The following PPL variants were observed in gnomAD, a reference collection of about 807,000 sequenced individuals.
PPL encodes the protein 190 kDa paraneoplastic pemphigus antigen.
PPL carries 198 observed loss-of-function variants against 194.4 expected under a neutral mutation model. The ratio of observed to expected loss-of-function variants is 1.02; its 90% CI spans 0.91 to 1.15. The LOEUF (loss-of-function observed/expected upper bound fraction) is 1.15, where lower values mean the gene tolerates loss of function less well. Ranked by LOEUF, PPL falls within the 50% of genes most tolerant of loss-of-function variation. The pLI, the probability that PPL is intolerant of heterozygous loss-of-function variation, is 0.00. For synonymous variants in PPL, 1,220 were observed against 972.4 expected (o/e 1.25, Z -4.74); for missense variants, 2,885 against 2,294.8 (o/e 1.26, Z -5.25).
chr16:4,891,057 C>G (rs1041766116), intron 16 of PPL, 136 bp from the exon 17 acceptor site: 9 of 696,694 alleles, frequency 1.3e-5, no homozygotes, highest in African/African-American at 1.1e-4. Flanking sequence ...CGGAGCCTTG[C>G]TCTGTACATC....
intron 3 of PPL, 74 bp downstream of exon 3, chr16:4,903,812 T>C: frequency 6.4e-7 from 1 of 1,565,424 alleles, no homozygotes; most frequent in Non-Finnish European, 8.7e-7. Context: ...GGCTCCCAAA[T>C]GCTGAACAGG....
At chr16:4,888,022 G>A (rs953320171) in intron 20 of PPL, 80 bp downstream of exon 20, 16 of 993,504 alleles carry the variant, frequency 1.6e-5, no homozygotes, top group South Asian at 7.8e-5. Context: ...TGAGGCCAGC[G>A]TGTGACACCA....
intron 9 of PPL, among the ~76,000 whole-genome samples, chr16:4,896,424 T>G (rs1402447106): frequency 6.6e-6 from 1 of 152,058 alleles, no homozygotes; most frequent in Non-Finnish European, 1.5e-5. Context: ...GCACTGAAAA[T>G]GCTACAACAC....
At chr16:4,896,645 T>G (rs535503785) in intron 9 of PPL, among the ~76,000 whole-genome samples, 6 of 150,978 alleles carry the variant, frequency 4.0e-5, no homozygotes, top group Admixed American at 2.6e-4. Context: ...GGTTGTTTTT[T>G]TTTTTTTTTT....
chr16:4,914,200 A>G (rs2088874636), intron 1 of PPL, among the ~76,000 whole-genome samples: 1 of 152,204 alleles, frequency 6.6e-6, no homozygotes, highest in East Asian at 1.9e-4. Context: ...TTGACCGTCA[A>G]GGCAGAGGGG....
chr16:4,888,771 G>A (rs570674566), intron 19 of PPL: 3 of 546,766 alleles, frequency 5.5e-6, no homozygotes, highest in Non-Finnish European at 9.9e-6. Context: ...TACTGCTTCA[G>A]AGTATAAAAC....
At chr16:4,909,084 G>A (rs550137106) in intron 2 of PPL, among the ~76,000 whole-genome samples, 2 of 152,296 alleles carry the variant, frequency 1.3e-5, no homozygotes, top group South Asian at 4.1e-4. Context: ...GGAGGCAGGA[G>A]GTGGAGGCCC....
Position 4,893,150 on chromosome 16 carries a change from G to A in PPL, c.1650+63C>T, listed in dbSNP as rs1270088520. The A allele has an allele frequency of 5.6e-6, 8 of 1,437,708 alleles. No homozygotes were observed. In the African/African-American group the frequency reaches 1.1e-4, roughly 21 times the overall value. 89.1% of individuals were successfully genotyped at this position (1,437,708 alleles called of 1,614,324 possible). The stretch of plus-strand genomic sequence containing the variant: ...CTCCATGGGGAAAAGACCTCAAATA[G>A]GGGCCCCAGGGGGCCAGTGCAGGGC... On this transcript the variant is annotated intron_variant, in intron 14 of 21. Transcript: ENST00000345988.
intron 17 of PPL, 100 bp from the exon 18 acceptor site, chr16:4,890,434 CAGAAATACCCCA>C: frequency 7.3e-7 from 1 of 1,376,756 alleles, no homozygotes; most frequent in East Asian, 2.5e-5. Flanking sequence ...ATGTAACAAC[CAGAAATACCCCA>C]AGTATCTCCC....
At chr16:4,924,875 G>A (rs1408864942) in intron 1 of PPL, among the ~76,000 whole-genome samples, 1 of 152,208 alleles carries the variant, frequency 6.6e-6, no homozygotes, top group Non-Finnish European at 1.5e-5. Context: ...AGCAACATCG[G>A]AGGGGCCACG....
At chr16:4,888,878 C>T in intron 19 of PPL, 100 bp downstream of exon 19, 2 of 1,193,878 alleles carry the variant, frequency 1.7e-6, no homozygotes, top group Non-Finnish European at 1.2e-6. Context: ...GCCAGCTCCA[C>T]CCCCATGTGC....
chr16:4,895,375 G>C lies in PPL; in HGVS notation c.1128C>G (p.Asp376Glu). The C allele has an allele frequency of 6.2e-7, 1 of 1,613,412 alleles. No homozygotes were observed. The change falls in exon 11 of 22, where the codon GAC (aspartate) becomes GAG (glutamate). Residue 376 changes from aspartate to glutamate, a missense_variant. By Grantham distance (45) the Asp-to-Glu change is conservative. Transcript: ENST00000345988. ...CTCGCTTCTGCAGCCCCTGCACCAC[G>C]TCCTCATACTTGTCCAGCACCTTCT... The part of the protein sequence containing the change: ...DQEKVLDKYE[D>E]VVQGLQKRGQ...
chr16:4,908,012 A>ATAAG (rs1016922315), intron 2 of PPL, among the ~76,000 whole-genome samples: 5 of 151,742 alleles, frequency 3.3e-5, no homozygotes, highest in African/African-American at 1.2e-4. Context: ...AAATAAATAA[A>ATAAG]TTAGCTGGGC....
At chr16:4,925,706 GA>G (rs2142418449) in intron 1 of PPL, among the ~76,000 whole-genome samples, 1 of 152,280 alleles carries the variant, frequency 6.6e-6, no homozygotes, top group South Asian at 2.1e-4. Flanking sequence ...CAGAAGTTAA[GA>G]AACTGGTCCG....
At chr16:4,913,711 T>C (rs2088863520) in intron 1 of PPL, among the ~76,000 whole-genome samples, 1 of 152,142 alleles carries the variant, frequency 6.6e-6, no homozygotes, top group Non-Finnish European at 1.5e-5. Flanking sequence ...CCTCCTTCTG[T>C]TGTTTTCTTT....
At chr16:4,927,667 G>T (rs1198194401) in intron 1 of PPL, among the ~76,000 whole-genome samples, 1 of 152,230 alleles carries the variant, frequency 6.6e-6, no homozygotes, top group Non-Finnish European at 1.5e-5. Flanking sequence ...GACAGTAAAT[G>T]TCCTCACACC....
intron 1 of PPL, among the ~76,000 whole-genome samples, chr16:4,932,054 T>G (rs923347774): frequency 1.3e-5 from 2 of 152,184 alleles, no homozygotes; most frequent in Non-Finnish European, 2.9e-5. Flanking sequence ...CAGGCACAGT[T>G]GCTGCCAGAT....
Position 4,883,434 on chromosome 16 carries a change from T to C in PPL, c.5221A>G (p.Lys1741Glu), listed in dbSNP as rs762935658. 6.8e-6 allele frequency: 11 copies of C among 1,614,050 alleles called. No homozygotes were observed. In the Admixed American group the frequency reaches 1.2e-4, roughly 17 times the overall value. The stretch of plus-strand genomic sequence containing the variant: ...GCCAGCTCCTGGATGGACATATCCT[T>C]GTTGACATAGCGGTCATACTGAGCA... ...TPAQYDRYVN[K>E]DMSIQELAVL... Residue 1741 changes from lysine to glutamate, a missense_variant, in exon 22 of 22, where the codon AAG becomes GAG. Lys to Glu is a moderately conservative substitution (Grantham distance 56). Transcript: ENST00000345988. This position sits in a 1 kb window ranked among gnomAD's most constrained non-coding sequence, Gnocchi z 4.8.
chr16:4,918,272 G>A (rs1056667112), intron 1 of PPL, among the ~76,000 whole-genome samples: 3 of 142,882 alleles, frequency 2.1e-5, no homozygotes, highest in Non-Finnish European at 4.5e-5. Flanking sequence ...CAGCCTGGGC[G>A]ACAGAGCAAG....
Sources: allele counts gnomAD v4.1 joint callset (sites outside exome capture counted in the v4.1 genomes callset), GRCh38; gene constraint gnomAD v4.1.1; non-coding constraint Gnocchi (gnomAD v3.1); transcripts MANE v1.5; gene names NCBI Gene and HGNC (gene_info 2026-07-23, HGNC 2026-07-21).